GALNT14: variants seen among roughly 807,000 people sequenced by gnomAD.
GALNT14 encodes the protein UDP-GalNAc:polypeptide N-acetylgalactosaminyltransferase 14.
In GALNT14, 60 loss-of-function variants were observed where a neutral mutation model predicts 77.5. The observed-to-expected ratio is 0.77, with a 90% CI of 0.63 to 0.96. The LOEUF (loss-of-function observed/expected upper bound fraction) is 0.96. GALNT14 is among the 40% of genes least tolerant of loss of function. The probability of loss-of-function intolerance (pLI) is 0.00; values close to 1 mark genes in which losing one functional copy is unlikely to be tolerated. For missense variants in GALNT14, 710 were observed against 731.0 expected (o/e 0.97, Z 0.33); for synonymous variants, 280 against 281.7 (o/e 0.99, Z 0.06).
intron 1 of GALNT14, among the ~76,000 whole-genome samples, chr2:31,002,260 T>C (rs1670410246): frequency 6.6e-6 from 1 of 152,026 alleles, no homozygotes; most frequent in South Asian, 2.1e-4. Flanking sequence ...TGAAACCCCA[T>C]CTCTACTAAA....
At chr2:31,119,264 A>G (rs1212608506) in intron 1 of GALNT14, among the ~76,000 whole-genome samples, 1 of 152,234 alleles carries the variant, frequency 6.6e-6, no homozygotes. Flanking sequence ...TATATACCAT[A>G]AAGTCAACAG....
At chr2:30,980,413 G>A (rs1327394138) in intron 2 of GALNT14, among the ~76,000 whole-genome samples, 1 of 152,226 alleles carries the variant, frequency 6.6e-6, no homozygotes, top group Non-Finnish European at 1.5e-5. Flanking sequence ...CCTGATGCCA[G>A]TACTAACTTG....
chr2:30,939,639 T>C (rs1028681566), intron 9 of GALNT14, among the ~76,000 whole-genome samples: 7 of 151,886 alleles, frequency 4.6e-5, no homozygotes, highest in African/African-American at 1.7e-4. Context: ...TCAGATTCGA[T>C]AGTACAATAG....
At chr2:30,966,327 A>G in intron 2 of GALNT14, 25 bp from the exon 3 acceptor site, 1 of 1,543,994 alleles carries the variant, frequency 6.5e-7, no homozygotes, top group Non-Finnish European at 9.0e-7. Flanking sequence ...GCACAGGGCA[A>G]GTGAGACCTT....
chr2:30,914,443 C>A (rs1357426406), intron 13 of GALNT14, among the ~76,000 whole-genome samples: 1 of 152,188 alleles, frequency 6.6e-6, no homozygotes, highest in African/African-American at 2.4e-5. Flanking sequence ...GCAAGAGATT[C>A]TTCTTCTTGG....
Position 31,041,090 on chromosome 2 carries a change from T to C in GALNT14, c.130-48083A>G, listed in dbSNP as rs780145182. On this transcript the variant is annotated intron_variant, in intron 1 of 14. Coordinates refer to ENST00000349752, the MANE Select transcript of GALNT14 (RefSeq NM_024572.4). The stretch of plus-strand genomic sequence containing the variant: ...GCTCCAGACCTCACAAAGCTTACAA[T>C]TCAGTGCAGCACGTGTCAATAATAA... Among the ~76,000 whole-genome samples, 5 of 152,116 alleles carry C rather than the reference T, an allele frequency of 3.3e-5. No homozygotes were observed. The South Asian group carries it at 6.2e-4, about 19-fold the overall frequency.
At chr2:30,920,344 C>G (rs1218405852) in intron 13 of GALNT14, among the ~76,000 whole-genome samples, 1 of 152,176 alleles carries the variant, frequency 6.6e-6, no homozygotes, top group East Asian at 1.9e-4. Context: ...TATGGCCTCT[C>G]AGAGGCAAAA....
intron 1 of GALNT14, among the ~76,000 whole-genome samples, chr2:31,089,260 C>G (rs1249628946): frequency 6.6e-6 from 1 of 152,184 alleles, no homozygotes; most frequent in Non-Finnish European, 1.5e-5. Flanking sequence ...TTTAGGCATG[C>G]TTTCCCTTCT....
chr2:31,091,405 T>A (rs1676730730), intron 1 of GALNT14, among the ~76,000 whole-genome samples: 1 of 152,200 alleles, frequency 6.6e-6, no homozygotes, highest in African/African-American at 2.4e-5. Flanking sequence ...ACAGAGACCA[T>A]AAGGCCTGTA....
At chr2:31,068,587 C>T (rs1322989546) in intron 1 of GALNT14, among the ~76,000 whole-genome samples, 1 of 152,036 alleles carries the variant, frequency 6.6e-6, no homozygotes, top group Non-Finnish European at 1.5e-5. Context: ...AGAGCTACTC[C>T]TGTTCTACCT....
Position 31,137,983 on chromosome 2 carries a change from G to A in GALNT14, c.104C>T (p.Thr35Met). The A allele has an allele frequency of 3.1e-6, 5 of 1,613,642 alleles. No individual in the cohort carries two copies. The highest frequency in any genetic ancestry group is 4.2e-6 in the Non-Finnish European group (5 of 1,179,726). ...CTTAGGGGTCTGCACTTCAGGTCCC[G>A]TCGGCACCTCCAACTTCCTCTTGGT... is the stretch of plus-strand genomic sequence containing the variant. ...WVTKRKLEVP[T>M]GPEVQTPKPS... is the part of the protein sequence containing the mutation. The change falls in exon 1 of 15, where the codon ACG becomes ATG. Residue 35 changes from threonine (T) to methionine (M), a missense_variant. By Grantham distance (81) the Thr-to-Met change is moderately conservative. Coordinates refer to ENST00000349752, the MANE Select transcript of GALNT14 (RefSeq NM_024572.4).
At chr2:30,943,238 C>T (rs796772391) in intron 8 of GALNT14, among the ~76,000 whole-genome samples, 56 of 152,246 alleles carry the variant, frequency 3.7e-4, no homozygotes, top group African/African-American at 1.1e-3. Context: ...TCGTCCCAGT[C>T]CCCAGACTTC....
chr2:30,992,830 G>C lies in GALNT14; in HGVS notation c.299+8C>G. 1 of 1,612,266 alleles carries C rather than the reference G, an allele frequency of 6.2e-7. No homozygotes were observed. Among genetic ancestry groups the C allele is most frequent in the Non-Finnish European group, 8.5e-7 (1 of 1,178,454 alleles). On this transcript the variant is annotated splice_region_variant and intron_variant, in intron 2 of 14. Coordinates refer to ENST00000349752, the MANE Select transcript of GALNT14 (RefSeq NM_024572.4). ...CGGGGGTAACAGAGTGGGAGAAGGA[G>C]GAAGTACCTCAGATGGCGAGTGTCC...
chr2:31,038,226 C>G (rs1164740749), intron 1 of GALNT14, among the ~76,000 whole-genome samples: 1 of 150,654 alleles, frequency 6.6e-6, no homozygotes, highest in Non-Finnish European at 1.5e-5. Flanking sequence ...TCCCAAGGAG[C>G]TGAGATTACA....
At chr2:30,923,809 C>T (rs563909714) in intron 13 of GALNT14, among the ~76,000 whole-genome samples, 5 of 152,198 alleles carry the variant, frequency 3.3e-5, no homozygotes, top group Non-Finnish European at 5.9e-5. Flanking sequence ...ACCCTGCCCA[C>T]GGTTGCTGCC....
At chr2:30,970,505 G>A (rs1025873748) in intron 2 of GALNT14, among the ~76,000 whole-genome samples, 4 of 152,164 alleles carry the variant, frequency 2.6e-5, no homozygotes, top group Non-Finnish European at 5.9e-5. Flanking sequence ...CCAGAGAGTG[G>A]GTGAGCCGGC....
intron 14 of GALNT14, 80 bp from the exon 15 acceptor site, chr2:30,911,139 G>A: frequency 1.5e-6 from 2 of 1,367,144 alleles, no homozygotes; most frequent in Non-Finnish European, 2.1e-6. Flanking sequence ...AAAGGTAGGT[G>A]CCTCATGTCT....
chr2:31,087,244 G>C (rs1486404360), intron 1 of GALNT14, among the ~76,000 whole-genome samples: 2 of 152,162 alleles, frequency 1.3e-5, no homozygotes, highest in African/African-American at 4.8e-5. Context: ...TGAAGACATA[G>C]GGGGCAAATT....
intron 1 of GALNT14, among the ~76,000 whole-genome samples, chr2:30,999,950 G>A (rs946539243): frequency 2.0e-5 from 3 of 152,154 alleles, no homozygotes; most frequent in Non-Finnish European, 4.4e-5. Flanking sequence ...CCCAAGAGAG[G>A]CAAAACTATT....
Sources: allele counts gnomAD v4.1 joint callset (sites outside exome capture counted in the v4.1 genomes callset), GRCh38; gene constraint gnomAD v4.1.1; transcripts MANE v1.5; gene names NCBI Gene and HGNC (gene_info 2026-07-23, HGNC 2026-07-21).